RAB27B: variants seen among roughly 807,000 people sequenced by gnomAD.
RAB27B encodes RAB27B, member RAS oncogene family.
Under a neutral mutation model 24.6 loss-of-function variants are expected in RAB27B, and 15 were observed. The observed-to-expected ratio is 0.61, with a 90% CI of 0.41 to 0.94. RAB27B has a LOEUF of 0.94. Ranked by LOEUF, RAB27B falls within the 40% of genes least tolerant of loss-of-function variation. The pLI is 0.00. For synonymous variants in RAB27B, 105 were observed against 92.5 expected (o/e 1.14, Z -0.78); for missense variants, 261 against 266.8 (o/e 0.98, Z 0.15).
At chr18:54,834,685 G>A (rs901326225) in intron 1 of RAB27B, among the ~76,000 whole-genome samples, 3 of 151,774 alleles carry the variant, frequency 2.0e-5, no homozygotes, top group South Asian at 2.1e-4. Context: ...ATATATATGT[G>A]TGTGTGTGTG....
chr18:54,752,699 C>T (rs1453334277), intron 2 of RAB27B, among the ~76,000 whole-genome samples: 1 of 152,184 alleles, frequency 6.6e-6, no homozygotes, highest in Admixed American at 6.5e-5. Context: ...TTCTGTGTTC[C>T]TCCCAGCAGC....
chr18:54,888,772 T>G (rs541696081), intron 5 of RAB27B, among the ~76,000 whole-genome samples: 7 of 152,312 alleles, frequency 4.6e-5, no homozygotes, highest in Admixed American at 2.0e-4. Context: ...ACGTCTTTCT[T>G]GAAACTTTTA....
intron 2 of RAB27B, among the ~76,000 whole-genome samples, chr18:54,752,834 G>C (rs919006584): frequency 1.3e-5 from 2 of 152,154 alleles, no homozygotes; most frequent in African/African-American, 4.8e-5. Flanking sequence ...GCCTGCCTTG[G>C]GGAGTCTGCC....
chr18:54,879,769 G>A (rs1185443464), intron 3 of RAB27B: 4 of 238,846 alleles, frequency 1.7e-5, no homozygotes, highest in Non-Finnish European at 3.3e-5. Context: ...GGAAATTAAC[G>A]CCGTTATAAG....
intron 1 of RAB27B, chr18:54,717,983 C>T (rs1909242724): frequency 6.6e-6 from 1 of 152,202 alleles, no homozygotes. Flanking sequence ...TGTCACGTGC[C>T]TTTAGTGTTC....
intron 2 of RAB27B, among the ~76,000 whole-genome samples, chr18:54,727,646 A>G (rs868163060): frequency 3.3e-5 from 5 of 152,214 alleles, no homozygotes; most frequent in South Asian, 2.1e-4. Context: ...AGATAGTTGT[A>G]TATTGTTTTA....
intron 1 of RAB27B, among the ~76,000 whole-genome samples, chr18:54,862,246 G>A (rs1444965485): frequency 6.6e-6 from 1 of 152,086 alleles, no homozygotes; most frequent in Admixed American, 6.5e-5. Flanking sequence ...ATAATATTTT[G>A]GGGGCTACTT....
intron 2 of RAB27B, among the ~76,000 whole-genome samples, chr18:54,756,123 A>G (rs1907997976): frequency 6.6e-6 from 1 of 152,236 alleles, no homozygotes; most frequent in Non-Finnish European, 1.5e-5. Context: ...CGACCTACTG[A>G]AAAAGTATGA....
chr18:54,863,026 A>G (rs1912067862), intron 1 of RAB27B, among the ~76,000 whole-genome samples: 1 of 152,210 alleles, frequency 6.6e-6, no homozygotes, highest in African/African-American at 2.4e-5. Context: ...CAAAAAGGCA[A>G]CCAGATTTTG....
At chr18:54,862,851 G>A (rs1443173579) in intron 1 of RAB27B, among the ~76,000 whole-genome samples, 14 of 152,308 alleles carry the variant, frequency 9.2e-5, no homozygotes, top group African/African-American at 3.4e-4. Flanking sequence ...GTGCACAGAA[G>A]ATTGGCTGTT....
intron 2 of RAB27B, among the ~76,000 whole-genome samples, chr18:54,722,428 G>A (rs1352842689): frequency 6.6e-6 from 1 of 152,160 alleles, no homozygotes; most frequent in Non-Finnish European, 1.5e-5. Flanking sequence ...AGGCAATGCT[G>A]TAGTGAGATG....
rs559070445 is a variant in RAB27B at position 54,833,234 on chromosome 18, C to CTT, written c.-20+4547_-20+4548dup. Among the ~76,000 whole-genome samples, 10 of 129,514 alleles carry CTT rather than the reference C, an allele frequency of 7.7e-5. 2 individuals carry two copies. Among genetic ancestry groups the CTT allele is most frequent in the Admixed American group, 1.7e-4 (2 of 12,058 alleles). The allele number at this position is 129,514 out of a possible 152,430, so 85.0% of individuals were successfully genotyped here. A position where few individuals can be genotyped will look rare whatever the true frequency, so the allele number is the denominator to read the frequency against. ...CTTTCTTTTCTTTTTTTCTTTCTTT[C>CTT]TTTTTTTTTTTTTTGAGATGGAGTT... On this transcript the variant is annotated intron_variant, in intron 1 of 5. Coordinates refer to ENST00000262094, the MANE Select transcript of RAB27B (RefSeq NM_004163.4).
intron 1 of RAB27B, among the ~76,000 whole-genome samples, chr18:54,842,160 G>A (rs1440133622): frequency 2.0e-5 from 3 of 152,168 alleles, no homozygotes. Flanking sequence ...TCTGTACTTG[G>A]CTTATCTCCA....
At chr18:54,877,776 C>G (rs111398232) in intron 2 of RAB27B, 38 bp downstream of exon 2, 2 of 1,518,794 alleles carry the variant, frequency 1.3e-6, no homozygotes, top group East Asian at 2.6e-5. Context: ...TGTCACTCAT[C>G]CCCCTATATA....
rs1026401906 is a variant in RAB27B, at chr18:54,893,900, C to CA, written c.*4488dup. ...GTCCGAATAAAGAAAGACCTAGTAA[C>CA]AGATAGTTTTTTTTTGTTCATTTTC... On this transcript the variant is annotated 3_prime_UTR_variant, in exon 6 of 6. Transcript: ENST00000262094. 7.2e-5 allele frequency: 11 copies of CA among 151,910 alleles called. No individual in the cohort carries two copies. The highest frequency in any genetic ancestry group is 2.2e-4 in the African/African-American group (9 of 41,406). 9.4% of individuals were successfully genotyped at this position (151,910 alleles called of 1,614,324 possible).
At chr18:54,751,675 G>A (rs1907836451) in intron 2 of RAB27B, among the ~76,000 whole-genome samples, 1 of 152,136 alleles carries the variant, frequency 6.6e-6, no homozygotes, top group Non-Finnish European at 1.5e-5. Flanking sequence ...CTATTTCTCT[G>A]AGAATACACA....
At chr18:54,768,279 T>G (rs1908429281) in intron 2 of RAB27B, among the ~76,000 whole-genome samples, 1 of 152,164 alleles carries the variant, frequency 6.6e-6, no homozygotes, top group South Asian at 2.1e-4. Flanking sequence ...ACAAAGGTGT[T>G]TGTAAAATGT....
chr18:54,837,073 T>C (rs1369973725), intron 1 of RAB27B, among the ~76,000 whole-genome samples: 1 of 151,316 alleles, frequency 6.6e-6, no homozygotes, highest in African/African-American at 2.4e-5. Context: ...GTCAGTAAGA[T>C]ATAGTTCCTA....
chr18:54,734,615 A>C (rs1426794942), intron 2 of RAB27B, among the ~76,000 whole-genome samples: 1 of 152,180 alleles, frequency 6.6e-6, no homozygotes, highest in Non-Finnish European at 1.5e-5. Context: ...GAATCTCCAA[A>C]GCCTTTTTAA....
Sources: gnomAD v4.1 joint callset for allele counts (sites outside exome capture counted in the v4.1 genomes callset) on GRCh38, gnomAD v4.1.1 for gene constraint, MANE v1.5 for transcripts, NCBI Gene and HGNC (gene_info 2026-07-23, HGNC 2026-07-21) for gene names.